ZNF536: variants seen among roughly 807,000 people sequenced by gnomAD.
The protein encoded by ZNF536 is zinc finger protein 536.
ZNF536 carries 13 observed loss-of-function variants against 84.5 expected under a neutral mutation model. The observed-to-expected ratio is 0.15, with a 90% CI of 0.10 to 0.24. The LOEUF (loss-of-function observed/expected upper bound fraction) is 0.24, where lower values mean the gene tolerates loss of function less well. ZNF536 is among the 10% of genes least tolerant of loss of function. The pLI is 1.00. For missense variants in ZNF536, 1,536 were observed against 1,747.5 expected, an observed-to-expected ratio of 0.88 and a Z score of 2.16; for synonymous variants, 811 against 742.5, an observed-to-expected ratio of 1.09 and a Z score of -1.50.
intron 1 of ZNF536, among the ~76,000 whole-genome samples, chr19:30,659,760 A>G (rs1216775618): frequency 6.6e-6 from 1 of 152,182 alleles, no homozygotes; most frequent in Non-Finnish European, 1.5e-5. Context: ...CCACCAGATT[A>G]TTACAATTTG....
At chr19:30,228,356 G>T (rs2022741434), upstream of ZNF536, 1 of 152,134 alleles carries the variant, frequency 6.6e-6, no homozygotes, top group African/African-American at 2.4e-5. This position sits in a 1 kb window ranked among gnomAD's most constrained non-coding sequence, Gnocchi z 4.5. Flanking sequence ...GCCCCCGCCG[G>T]GGTCGGGTTT....
At chr19:30,662,962 C>CTTTTTTTTTTTTTTTTTTTTT (rs951081577) in intron 1 of ZNF536, among the ~76,000 whole-genome samples, 20 of 78,734 alleles carry the variant, frequency 2.5e-4, no homozygotes, top group Non-Finnish European at 3.8e-4. Flanking sequence ...TTTTTCGTTT[C>CTTTTTTTTTTTTTTTTTTTTT]TTTTTTTTTT....
intron 2 of ZNF536, among the ~76,000 whole-genome samples, chr19:30,491,835 CT>C (rs59636784): frequency 1.2e-3 from 167 of 145,014 alleles, no homozygotes; most frequent in Admixed American, 1.4e-3. Flanking sequence ...CTTTCCTTTT[CT>C]TTTTTTTTTT....
intron 4 of ZNF536, among the ~76,000 whole-genome samples, chr19:30,551,313 C>T (rs192454522): frequency 4.3e-4 from 65 of 152,286 alleles, no homozygotes; most frequent in African/African-American, 1.6e-3. Context: ...TGAAGGAAGG[C>T]TGCCTGGCTC....
At chr19:30,470,685 C>CTT (rs36018979) in intron 2 of ZNF536, among the ~76,000 whole-genome samples, 7 of 125,982 alleles carry the variant, frequency 5.6e-5, no homozygotes, top group Admixed American at 8.1e-5. Context: ...TGTAGACTGT[C>CTT]TTTTTTTTTT....
intron 1 of ZNF536, among the ~76,000 whole-genome samples, chr19:30,659,950 AGG>A (rs1491127080): frequency 2.0e-5 from 2 of 97,966 alleles, no homozygotes; most frequent in East Asian, 4.0e-4. Flanking sequence ...GTTTGACACA[AGG>A]GTGTGTGTGT....
At chr19:30,313,468 C>T (rs1363579634) in intron 2 of ZNF536, among the ~76,000 whole-genome samples, 1 of 152,170 alleles carries the variant, frequency 6.6e-6, no homozygotes, top group Non-Finnish European at 1.5e-5. Context: ...CCCTGTTTCC[C>T]AGGGGTCCTG....
At chr19:30,676,604 T>C (rs2050760774) in intron 1 of ZNF536, among the ~76,000 whole-genome samples, 2 of 152,270 alleles carry the variant, frequency 1.3e-5, no homozygotes, top group Non-Finnish European at 2.9e-5. Context: ...ATTTAACATT[T>C]GTGACTGGTT....
chr19:30,465,349 C>T (rs2053338682), intron 2 of ZNF536, among the ~76,000 whole-genome samples: 1 of 152,196 alleles, frequency 6.6e-6, no homozygotes, highest in Admixed American at 6.5e-5. Flanking sequence ...TATCCCTCCC[C>T]AGTCACCCCC....
chr19:30,469,136 C>T (rs567786381), intron 2 of ZNF536, among the ~76,000 whole-genome samples: 114 of 152,192 alleles, frequency 7.5e-4, no homozygotes, highest in African/African-American at 2.6e-3. Context: ...AAGGAATGAC[C>T]GGGCACGGTA....
chr19:30,347,178 T>C (rs1278238195), intron 2 of ZNF536, among the ~76,000 whole-genome samples: 1 of 152,006 alleles, frequency 6.6e-6, no homozygotes, highest in Non-Finnish European at 1.5e-5. Flanking sequence ...AATTCTTGAT[T>C]CTGCAGATGG....
rs879736709 is a variant in ZNF536 at position 30,366,398 on chromosome 19, A to ATCTATCTATCTATCTATATC, written c.-3+13915_-3+13916insCTATCTATCTATCTATATCT. Among the ~76,000 whole-genome samples, 4 of 140,784 alleles carry ATCTATCTATCTATCTATATC rather than the reference A, an allele frequency of 2.8e-5. No individual in the cohort carries two copies. In the Admixed American group the frequency reaches 2.8e-4, roughly 10 times the overall value. 92.4% of individuals were successfully genotyped at this position (140,784 alleles called of 152,430 possible). On this transcript the variant is annotated intron_variant, in intron 3 of 5. Coordinates refer to the ZNF536 transcript ENST00000585628. ...TATCTATCTATCTATCTATCTATCTATATCTATCTCCTTCCTTCCTTCTTT... is the reference window on the plus strand; with the variant it reads ...TATCTATCTATCTATCTATCTATCTATCTATCTATCTATCTATATCTATCTATCTCCTTCCTTCCTTCTTT...
chr19:30,466,746 AAGAAAGGAGGGAAGGAAGGAAGG>A (rs1376647392), intron 2 of ZNF536, among the ~76,000 whole-genome samples: 2 of 74,950 alleles, frequency 2.7e-5, no homozygotes, highest in Admixed American at 1.4e-4. Flanking sequence ...GGAGGGAAGG[AAGAAAGGAGGGAAGGAAGGAAGG>A]AAGGAAGGAA....
intron 2 of ZNF536, among the ~76,000 whole-genome samples, chr19:30,517,968 G>A (rs899296766): frequency 2.0e-4 from 30 of 152,160 alleles, no homozygotes; most frequent in African/African-American, 6.8e-4. Flanking sequence ...TGGGCACAGC[G>A]TGTACCTACC....
At chr19:30,699,087 C>T (rs951426647) in intron 1 of ZNF536, among the ~76,000 whole-genome samples, 2 of 152,198 alleles carry the variant, frequency 1.3e-5, no homozygotes, top group African/African-American at 4.8e-5. Context: ...CTGACACCCC[C>T]ACTCCACCAT....
At chr19:30,574,323 CT>C (rs1316708204) in intron 1 of ZNF536, among the ~76,000 whole-genome samples, 2 of 152,204 alleles carry the variant, frequency 1.3e-5, no homozygotes, top group African/African-American at 4.8e-5. Flanking sequence ...GGAAGAGACC[CT>C]TCAAGAAAAG....
At position 30,699,566 on chromosome 19, in the gene ZNF536, C is replaced by T. The variant is rs554932037; in HGVS notation, c.170-11191C>T. ...TTTTTAAAACTGAAAACATAAATTA[C>T]GTACCTGATTGGAATCATTCTCGCC... On this transcript the variant is annotated intron_variant, in intron 1 of 1. Coordinates refer to the ZNF536 transcript ENST00000592773. 3.9e-5 allele frequency among the ~76,000 whole-genome samples: 6 copies of T among 152,154 alleles called. No homozygotes were observed. In the East Asian group the frequency reaches 5.8e-4, roughly 15 times the overall value.
intron 1 of ZNF536, among the ~76,000 whole-genome samples, chr19:30,581,536 G>T (rs1326396881): frequency 6.6e-6 from 1 of 152,110 alleles, no homozygotes; most frequent in Non-Finnish European, 1.5e-5. Context: ...TGGCTTTGAG[G>T]ACTGGAAACA....
At chr19:30,376,555 C>G (rs150096165) in intron 1 of ZNF536, among the ~76,000 whole-genome samples, 1 of 152,306 alleles carries the variant, frequency 6.6e-6, no homozygotes, top group Non-Finnish European at 1.5e-5. Flanking sequence ...GGCATCTGCT[C>G]ACTTTCAGAA....
Sources: allele counts gnomAD v4.1 joint callset (sites outside exome capture counted in the v4.1 genomes callset), GRCh38; gene constraint gnomAD v4.1.1; non-coding constraint Gnocchi (gnomAD v3.1); transcripts MANE v1.5; gene names NCBI Gene and HGNC (gene_info 2026-07-23, HGNC 2026-07-21).